SIRT2: variants seen among roughly 807,000 people sequenced by gnomAD.
SIRT2 encodes the protein sirtuin 2, also known as NAD-dependent protein deacetylase sirtuin-2.
In SIRT2, 40 loss-of-function variants were observed where a neutral mutation model predicts 57.4. The ratio of observed to expected loss-of-function variants is 0.70; its 90% CI spans 0.54 to 0.91. The LOEUF is 0.91. Among genes scored for constraint, SIRT2 ranks in the 40% least tolerant of loss-of-function variants. The pLI is 0.00. For missense variants in SIRT2, 439 were observed against 510.4 expected, an observed-to-expected ratio of 0.86 and a Z score of 1.35; for synonymous variants, 161 against 195.7, an observed-to-expected ratio of 0.82 and a Z score of 1.48.
In SIRT2 at chr19:38,880,940, C is replaced by T. The variant is rs767492808; in HGVS notation, c.748-43G>A. 1.7e-5 allele frequency: 27 copies of T among 1,587,888 alleles called. No homozygotes were observed. The highest frequency in any genetic ancestry group is 1.3e-4 in the Admixed American group (8 of 59,812). On this transcript the variant is annotated intron_variant, in intron 11 of 15. Coordinates refer to ENST00000249396, the MANE Select transcript of SIRT2 (RefSeq NM_012237.4). This position sits in a 1 kb window ranked among gnomAD's most constrained non-coding sequence, Gnocchi z 4.1. ...AGCTTGGGAGCCTCCGCCCAGGCTG[C>T]GCCACCGCTCCCTCCCCCGCCCCCA...
At chr19:38,889,653 C>G (rs1226431943) in intron 7 of SIRT2, 36 bp downstream of exon 7, 19 of 1,612,500 alleles carry the variant, frequency 1.2e-5, no homozygotes, top group Non-Finnish European at 1.6e-5. Flanking sequence ...TCCCCCAACC[C>G]TTCCTGTTTC....
Position 38,888,987 on chromosome 19 carries a change from C to G in SIRT2, c.501+100G>C, listed in dbSNP as rs1600117856. On this transcript the variant is annotated intron_variant, in intron 8 of 15. Coordinates refer to ENST00000249396, the MANE Select transcript of SIRT2 (RefSeq NM_012237.4). ...GCCCTGGCCCCGCATTGCTGGAGTCCCCGCCTGAGCTCTTGGGCACGCAGC... is the reference window on the plus strand; with the variant it reads ...GCCCTGGCCCCGCATTGCTGGAGTCGCCGCCTGAGCTCTTGGGCACGCAGC... 1.0e-5 allele frequency: 11 copies of G among 1,100,108 alleles called. No individual in the cohort carries two copies. In the East Asian group the frequency reaches 2.1e-4, roughly 21 times the overall value. The allele number at this position is 1,100,108 out of a possible 1,614,324, so 68.1% of individuals were successfully genotyped here.
chr19:38,888,976 T>C, intron 8 of SIRT2, 111 bp downstream of exon 8: 1 of 944,240 alleles, frequency 1.1e-6, no homozygotes, highest in Non-Finnish European at 1.7e-6. Context: ...TGGCCCCGCA[T>C]TGCTGGAGTC....
chr19:38,889,445 G>C, intron 7 of SIRT2: 1 of 664,474 alleles, frequency 1.5e-6, no homozygotes. Flanking sequence ...TCATTAGTCA[G>C]CTAAGCCTCG....
rs1389738435 is a variant in SIRT2 at position 38,889,872 on chromosome 19, C to T, written c.358G>A (p.Glu120Lys). ...GCACAAACCTTGAAATAGCTGATCT[C>T]AAAGATGGCCTCTGGGTAGGGAAGA... is the stretch of plus-strand genomic sequence containing the variant. The part of the protein sequence containing the change: ...YHLPYPEAIF[E>K]ISYFKKHPEP... Residue 120 changes from glutamate (E) to lysine (K), a missense_variant, in exon 6 of 16, where the codon GAG becomes AAG. Physicochemically the swap from Glu to Lys is moderately conservative, Grantham distance 56 (BLOSUM62 1). Coordinates refer to ENST00000249396, the MANE Select transcript of SIRT2 (RefSeq NM_012237.4). 2 of 1,614,086 alleles carry T rather than the reference C, an allele frequency of 1.2e-6. No homozygotes were observed. Among genetic ancestry groups the T allele is most frequent in the Admixed American group, 1.7e-5 (1 of 60,012 alleles).
intron 8 of SIRT2, among the ~76,000 whole-genome samples, chr19:38,887,496 G>T (rs1973379176): frequency 6.6e-6 from 1 of 151,742 alleles, no homozygotes; most frequent in South Asian, 2.1e-4. Flanking sequence ...TGAACTCATG[G>T]GCTCAAGCGA....
intron 8 of SIRT2, among the ~76,000 whole-genome samples, chr19:38,888,498 T>G (rs982626585): frequency 6.6e-6 from 1 of 152,082 alleles, no homozygotes; most frequent in Non-Finnish European, 1.5e-5. Flanking sequence ...CTGTTAGGGG[T>G]GTGAGACTCT....
Position 38,880,512 on chromosome 19 carries a change from G to C in SIRT2, c.876+173C>G. 1 of 564,608 alleles carries C rather than the reference G, an allele frequency of 1.8e-6. No homozygotes were observed. The highest frequency in any genetic ancestry group is 3.1e-6 in the Non-Finnish European group (1 of 318,394). 35.0% of individuals were successfully genotyped at this position (564,608 alleles called of 1,614,324 possible). On this transcript the variant is annotated intron_variant, in intron 13 of 15. Transcript: ENST00000249396. The surrounding 1 kb of genome is among the most constrained non-coding windows in gnomAD (Gnocchi z 4.1). ...TTGGAATTCTATCACTTGCTCAAAA[G>C]GGCAGTGAATGTCCCAGAGGCCTGG...
rs1568394871 is a variant in SIRT2 at position 38,880,665 on chromosome 19, G to C, written c.876+20C>G. The C allele has an allele frequency of 2.0e-6, 3 of 1,531,724 alleles. No homozygotes were observed. The highest frequency in any genetic ancestry group is 4.5e-5 in the East Asian group (2 of 43,994). 94.9% of individuals were successfully genotyped at this position (1,531,724 alleles called of 1,614,324 possible). A position where few individuals can be genotyped will look rare whatever the true frequency, so the allele number is the denominator to read the frequency against. ...GAAGGGGGAGCCTGTGACGACGGGG[G>C]CTTGAAGAAGGGCTCTTACCTGGCC... On this transcript the variant is annotated intron_variant, in intron 13 of 15. Coordinates refer to ENST00000249396, the MANE Select transcript of SIRT2 (RefSeq NM_012237.4). This position sits in a 1 kb window ranked among gnomAD's most constrained non-coding sequence, Gnocchi z 4.1.
At chr19:38,887,238 G>A (rs1007410957) in intron 8 of SIRT2, among the ~76,000 whole-genome samples, 5 of 152,234 alleles carry the variant, frequency 3.3e-5, no homozygotes, top group Middle Eastern at 6.8e-3. Flanking sequence ...AGTATATGGT[G>A]TCTCCATCTT....
rs754595501 is a variant in SIRT2 at position 38,879,170 on chromosome 19, CCT to C, written c.1153_1154del (p.Arg385GlyfsTer21). ...GATGCAGCTGTCACTGGGGTTTCTCCCTCTCTGTTGTCCTGGCCTCGTCCTTG... is the reference window on the plus strand; with the variant it reads ...GATGCAGCTGTCACTGGGGTTTCTCCCTCTGTTGTCCTGGCCTCGTCCTTG... ...PAKDEARTTE[R>X]EKPQ On this transcript the variant is annotated frameshift_variant, in exon 16 of 16. Transcript: ENST00000249396. LOFTEE classifies it high-confidence loss of function. 2.0e-5 allele frequency: 31 copies of C among 1,574,544 alleles called. No homozygotes were observed. Among genetic ancestry groups the C allele is most frequent in the African/African-American group, 4.2e-5 (3 of 72,254 alleles).
chr19:38,879,042 TG>T lies in SIRT2; in HGVS notation c.*112del. On this transcript the variant is annotated 3_prime_UTR_variant, in exon 16 of 16. Transcript: ENST00000249396. Reference sequence around the variant, plus strand: ...TTTTGGGGAGGGAGCTGTAAGAGATTGGGGGATGTTCTGAGCTCCCCAGACA... The same window carrying T: ...TTTTGGGGAGGGAGCTGTAAGAGATTGGGGATGTTCTGAGCTCCCCAGACA... The T allele has an allele frequency of 8.6e-7, 1 of 1,157,328 alleles. No homozygotes were observed. The highest frequency in any genetic ancestry group is 1.2e-6 in the Non-Finnish European group (1 of 835,770). The allele number at this position is 1,157,328 out of a possible 1,614,324, so 71.7% of individuals were successfully genotyped here.
Position 38,879,194 on chromosome 19 carries a change from C to T in SIRT2, c.1131G>A (p.Lys377=). The T allele has an allele frequency of 6.3e-7, 1 of 1,587,850 alleles. No homozygotes were observed. The highest frequency in any genetic ancestry group is 8.5e-7 in the Non-Finnish European group (1 of 1,173,110). The part of the protein sequence containing the change: ...ASPKKSPPPA[K]DEARTTEREK... ...CCCTCTCTGTTGTCCTGGCCTCGTCCTTGGCAGGTGGCGGGGACTTCTTGG... is the reference window on the plus strand; with the variant it reads ...CCCTCTCTGTTGTCCTGGCCTCGTCTTTGGCAGGTGGCGGGGACTTCTTGG... The change falls in exon 16 of 16, where the codon AAG becomes AAA. Residue 377 remains lysine (K), a synonymous_variant. Transcript: ENST00000249396.
intron 4 of SIRT2, among the ~76,000 whole-genome samples, chr19:38,891,484 G>A (rs1344536769): frequency 3.3e-5 from 5 of 152,162 alleles, no homozygotes; most frequent in Non-Finnish European, 5.9e-5. Flanking sequence ...GGGAGGCAGA[G>A]GTTGCAGTGA....
intron 4 of SIRT2, chr19:38,891,916 G>A (rs778669824): frequency 2.1e-6 from 1 of 469,966 alleles, no homozygotes; most frequent in South Asian, 1.6e-5. Flanking sequence ...CCGCAGGAGA[G>A]GGAGGCTCAG....
At chr19:38,885,408 G>GTTTTC (rs1283970712) in intron 8 of SIRT2, among the ~76,000 whole-genome samples, 35 of 150,434 alleles carry the variant, frequency 2.3e-4, no homozygotes, top group African/African-American at 5.9e-4. Flanking sequence ...CCCAGCCACT[G>GTTTTC]TTTTCTTTTC....
At chr19:38,882,512 G>A (rs544519166) in intron 9 of SIRT2, among the ~76,000 whole-genome samples, 1 of 152,106 alleles carries the variant, frequency 6.6e-6, no homozygotes, top group African/African-American at 2.4e-5. Context: ...GCACGTGCCT[G>A]TAATCCCAGC....
Position 38,898,495 on chromosome 19 carries a change from G to A in SIRT2, c.17-70C>T, listed in dbSNP as rs764276755. ...AGGGGGGAATAAAGGGGTTCAAATG[G>A]TCAGTGAGGGGGCAAGAACACCCAC... On this transcript the variant is annotated intron_variant, in intron 1 of 15. Coordinates refer to ENST00000249396, the MANE Select transcript of SIRT2 (RefSeq NM_012237.4). 128 of 825,804 alleles carry A rather than the reference G, an allele frequency of 1.5e-4. 1 individual carries two copies. The highest frequency in any genetic ancestry group is 2.0e-4 in the Non-Finnish European group (108 of 550,192). The allele number at this position is 825,804 out of a possible 1,614,324, so 51.2% of individuals were successfully genotyped here. A position where few individuals can be genotyped will look rare whatever the true frequency, so the allele number is the denominator to read the frequency against.
intron 2 of SIRT2, 80 bp downstream of exon 2, chr19:38,898,299 C>T (rs941976712): frequency 1.8e-6 from 2 of 1,116,314 alleles, no homozygotes; most frequent in African/African-American, 3.2e-5. Flanking sequence ...GTGACTGTTT[C>T]CCCTTTGCCA....
Sources: gnomAD v4.1 joint callset for allele counts (sites outside exome capture counted in the v4.1 genomes callset) on GRCh38, gnomAD v4.1.1 for gene constraint, Gnocchi (gnomAD v3.1) non-coding constraint, MANE v1.5 for transcripts, NCBI Gene and HGNC (gene_info 2026-07-23, HGNC 2026-07-21) for gene names.